The following XKR9 variants were observed in gnomAD, a reference collection of about 807,000 sequenced individuals.
The protein encoded by XKR9 is XK related 9.
XKR9 carries 32 observed loss-of-function variants against 32.0 expected under a neutral mutation model. The ratio of observed to expected loss-of-function variants is 1.00; its 90% CI spans 0.76 to 1.34. The LOEUF (loss-of-function observed/expected upper bound fraction) is 1.34. Ranked by LOEUF, XKR9 falls within the 40% of genes most tolerant of loss-of-function variation. XKR9 has a pLI of 0.00. For missense variants in XKR9, 546 were observed against 429.7 expected, an observed-to-expected ratio of 1.27 and a Z score of -2.39; for synonymous variants, 168 against 143.4, an observed-to-expected ratio of 1.17 and a Z score of -1.22.
At chr8:70,755,263 G>T (rs577063186) in intron 2 of XKR9, among the ~76,000 whole-genome samples, 1 of 152,206 alleles carries the variant, frequency 6.6e-6, no homozygotes, top group East Asian at 1.9e-4. Flanking sequence ...GAAACAACAG[G>T]TGCTGGAGAG....
At chr8:71,022,417 T>G in the XKR9 span, among the ~76,000 whole-genome samples, 5 of 151,186 alleles carry the variant, frequency 3.3e-5, no homozygotes, top group East Asian at 4.4e-4. Flanking sequence ...GATTGGCAGG[T>G]TTTTTTTCAG....
At chr8:70,728,447 G>C (rs753447739) in intron 4 of XKR9, among the ~76,000 whole-genome samples, 3 of 152,148 alleles carry the variant, frequency 2.0e-5, no homozygotes, top group Non-Finnish European at 2.9e-5. Flanking sequence ...GCATGTTAAA[G>C]GCGTTAGTAT....
chr8:70,685,651 G>A (rs1011521318), intron 3 of XKR9, among the ~76,000 whole-genome samples: 8 of 145,620 alleles, frequency 5.5e-5, no homozygotes, highest in East Asian at 2.1e-4. Flanking sequence ...ACCAAACACC[G>A]CATGTTCTCA....
chr8:70,882,237 G>C, the XKR9 span, among the ~76,000 whole-genome samples: 1 of 151,858 alleles, frequency 6.6e-6, no homozygotes, highest in Admixed American at 6.6e-5. Context: ...TTGTGCACAT[G>C]TACCCTAGAA....
intron 3 of XKR9, among the ~76,000 whole-genome samples, chr8:70,698,401 T>C (rs1805375233): frequency 6.6e-6 from 1 of 152,184 alleles, no homozygotes. Context: ...TTCTCATTGG[T>C]TTCAAGGAAC....
chr8:70,752,264 T>G (rs983909379), intron 2 of XKR9, among the ~76,000 whole-genome samples: 1 of 152,184 alleles, frequency 6.6e-6, no homozygotes, highest in Non-Finnish European at 1.5e-5. Flanking sequence ...TTCGATGAAG[T>G]CTGTTTTAAT....
intron 3 of XKR9, among the ~76,000 whole-genome samples, chr8:70,702,221 C>G (rs762564310): frequency 3.3e-4 from 50 of 152,190 alleles, no homozygotes; most frequent in Admixed American, 1.8e-3. Flanking sequence ...ACCTCAGTCT[C>G]CAAATCTTTG....
chr8:71,062,079 C>A, the XKR9 span, among the ~76,000 whole-genome samples: 1 of 152,164 alleles, frequency 6.6e-6, no homozygotes, highest in Non-Finnish European at 1.5e-5. Flanking sequence ...TGGTCTTTGG[C>A]AAAAGCAACT....
At chr8:70,980,488 A>G in the XKR9 span, among the ~76,000 whole-genome samples, 1 of 152,076 alleles carries the variant, frequency 6.6e-6, no homozygotes, top group Non-Finnish European at 1.5e-5. Context: ...CATGGAATAT[A>G]TTTTTCACTC....
chr8:70,821,017 C>A, the XKR9 span, among the ~76,000 whole-genome samples: 1 of 152,166 alleles, frequency 6.6e-6, no homozygotes, highest in Non-Finnish European at 1.5e-5. Flanking sequence ...CCCAAAAAGT[C>A]CAAGTGCAAA....
chr8:70,709,252 T>G (rs1805825413), intron 4 of XKR9, among the ~76,000 whole-genome samples: 1 of 152,112 alleles, frequency 6.6e-6, no homozygotes, highest in Non-Finnish European at 1.5e-5. Flanking sequence ...TCCCTTTATG[T>G]TACAAACCCT....
At chr8:70,739,615 C>T (rs551495852), downstream of XKR9, among the ~76,000 whole-genome samples, 1 of 152,134 alleles carries the variant, frequency 6.6e-6, no homozygotes, top group African/African-American at 2.4e-5. Context: ...CCGGTTGTTC[C>T]TTTCCATGTT....
intron 4 of XKR9, among the ~76,000 whole-genome samples, chr8:70,726,339 G>C (rs1434956991): frequency 6.6e-6 from 1 of 152,190 alleles, no homozygotes; most frequent in Non-Finnish European, 1.5e-5. Context: ...AATTAATTTT[G>C]TTCGTGCCTG....
intron 4 of XKR9, among the ~76,000 whole-genome samples, chr8:70,728,914 C>G (rs1462037019): frequency 6.6e-6 from 1 of 152,096 alleles, no homozygotes; most frequent in African/African-American, 2.4e-5. Flanking sequence ...CCTCAAATAC[C>G]TATGAGTTGG....
At chr8:70,855,918 A>G in the XKR9 span, among the ~76,000 whole-genome samples, 4 of 152,182 alleles carry the variant, frequency 2.6e-5, no homozygotes, top group African/African-American at 9.7e-5. Flanking sequence ...TTTATAGACA[A>G]ACAAATGCTG....
chr8:71,005,225 C>CTTTT, the XKR9 span, among the ~76,000 whole-genome samples: 4 of 130,346 alleles, frequency 3.1e-5, no homozygotes, highest in Admixed American at 8.0e-5. Flanking sequence ...TTTTCTTTTT[C>CTTTT]TTTTTTTTTT....
Position 70,697,218 on chromosome 8 carries a change from A to G in XKR9, c.273-9715A>G, listed in dbSNP as rs907743839. On this transcript the variant is annotated intron_variant, in intron 3 of 4. Coordinates refer to ENST00000408926, the MANE Select transcript of XKR9 (RefSeq NM_001011720.2). ...TGCCCTGGCCAGAACTTCCAACACTATGTTGAATAGGAGTAGTGAGAGAGG... is the reference window on the plus strand; with the variant it reads ...TGCCCTGGCCAGAACTTCCAACACTGTGTTGAATAGGAGTAGTGAGAGAGG... Among the ~76,000 whole-genome samples, 119 of 151,760 alleles carry G rather than the reference A, an allele frequency of 7.8e-4. 1 individual carries two copies. The highest frequency in any genetic ancestry group is 1.1e-3 in the Non-Finnish European group (73 of 67,884).
At chr8:70,956,948 T>A in the XKR9 span, among the ~76,000 whole-genome samples, 1 of 152,064 alleles carries the variant, frequency 6.6e-6, no homozygotes, top group African/African-American at 2.4e-5. Flanking sequence ...ATGAGGAGTG[T>A]GAGGCTCCTG....
chr8:70,693,484 G>A (rs913452858), intron 3 of XKR9, among the ~76,000 whole-genome samples: 1 of 152,174 alleles, frequency 6.6e-6, no homozygotes, highest in Non-Finnish European at 1.5e-5. Context: ...TCTCCCTTGA[G>A]TACTGGCTGT....
Sources: gnomAD v4.1 joint callset for allele counts (sites outside exome capture counted in the v4.1 genomes callset) on GRCh38, gnomAD v4.1.1 for gene constraint, MANE v1.5 for transcripts, NCBI Gene and HGNC (gene_info 2026-07-23, HGNC 2026-07-21) for gene names.